Variants in ZSCAN5A observed in about 807,000 individuals in gnomAD.
ZSCAN5A encodes the protein zinc finger and SCAN domain containing 5A.
Under a neutral mutation model 23.7 loss-of-function variants are expected in ZSCAN5A, and 12 were observed. The observed-to-expected ratio is 0.51, with a 90% CI of 0.32 to 0.82. The LOEUF (loss-of-function observed/expected upper bound fraction) is 0.82. Ranked by LOEUF, ZSCAN5A falls within the 40% of genes least tolerant of loss-of-function variation. ZSCAN5A has a pLI of 0.03. For synonymous variants in ZSCAN5A, 257 were observed against 239.9 expected (o/e 1.07, Z -0.66); for missense variants, 597 against 617.9 (o/e 0.97, Z 0.36).
intron 2 of ZSCAN5A, chr19:56,343,143 G>A: frequency 1.4e-6 from 1 of 729,070 alleles, no homozygotes; most frequent in Non-Finnish European, 2.5e-6. Flanking sequence ...TGCCTAAAAT[G>A]GTCCTTTATT....
intron 1 of ZSCAN5A, chr19:56,314,212 T>C (rs1401960786): frequency 1.3e-5 from 2 of 152,282 alleles, no homozygotes; most frequent in Non-Finnish European, 2.9e-5. Context: ...CTAGCACTTA[T>C]TCGGCTCTCA....
intron 2 of ZSCAN5A, among the ~76,000 whole-genome samples, chr19:56,335,952 C>T (rs1011830174): frequency 6.7e-6 from 1 of 148,844 alleles, no homozygotes; most frequent in African/African-American, 2.5e-5. Flanking sequence ...GCCGAGAGAT[C>T]GCTGTTAGTC....
At chr19:56,315,263 A>C (rs1476208235), upstream of ZSCAN5A, 1 of 152,186 alleles carries the variant, frequency 6.6e-6, no homozygotes, top group Non-Finnish European at 1.5e-5. Context: ...GACGGGATAG[A>C]GTTGCACACG....
intron 2 of ZSCAN5A, among the ~76,000 whole-genome samples, chr19:56,262,354 G>A (rs571811660): frequency 1.3e-5 from 2 of 150,808 alleles, no homozygotes; most frequent in East Asian, 4.0e-4. Flanking sequence ...AATTAATTTT[G>A]ACTATTTTAG....
In ZSCAN5A at chr19:56,258,996, G is replaced by T. The variant is rs181980956; in HGVS notation, c.-127-33823C>A. On this transcript the variant is annotated intron_variant, in intron 2 of 5. Transcript: ENST00000683990. ...CATGAGAAGAGAGAGCTGGTGGGTG[G>T]GCCCCAGCTGTTTCAGTCACCTGGA... Among the ~76,000 whole-genome samples, 198 of 152,118 alleles carry T rather than the reference G, an allele frequency of 1.3e-3. 1 individual carries two copies. Among genetic ancestry groups the T allele is most frequent in the Middle Eastern group, 0.01 (3 of 294 alleles).
At chr19:56,359,084 C>T (rs2041715966) in intron 2 of ZSCAN5A, among the ~76,000 whole-genome samples, 1 of 151,490 alleles carries the variant, frequency 6.6e-6, no homozygotes, top group South Asian at 2.1e-4. Flanking sequence ...CAGAGCACAA[C>T]TGAAGAAGAA....
intron 5 of ZSCAN5A, 111 bp downstream of exon 5, chr19:56,222,480 G>A (rs2033364083): frequency 1.3e-6 from 2 of 1,551,104 alleles, no homozygotes; most frequent in Non-Finnish European, 1.7e-6. Context: ...AGGATGGGGA[G>A]GCTTTGACAG....
rs1305054076 is a variant in ZSCAN5A, at chr19:56,351,876, G to C, written c.-358+11359C>G. On this transcript the variant is annotated intron_variant, in intron 2 of 6. Transcript: ENST00000587340. The surrounding 1 kb of genome is among the most constrained non-coding windows in gnomAD (Gnocchi z 4.8). ...TTTAGATGGCTGGTGGATCTATCTG[G>C]ATTGAAGGGATTCCTTTTCCCAGCA... 1.3e-5 allele frequency among the ~76,000 whole-genome samples: 2 copies of C among 152,152 alleles called. No homozygotes were observed. Among genetic ancestry groups the C allele is most frequent in the Middle Eastern group, 3.2e-3 (1 of 316 alleles).
chr19:56,278,461 T>G (rs547575990), intron 2 of ZSCAN5A, among the ~76,000 whole-genome samples: 65 of 152,244 alleles, frequency 4.3e-4, no homozygotes, highest in African/African-American at 1.5e-3. Flanking sequence ...TTGAAGCAAA[T>G]GAAAATCTAA....
chr19:56,319,517 AAAG>A (rs1366590464), upstream of ZSCAN5A, among the ~76,000 whole-genome samples: 4 of 151,654 alleles, frequency 2.6e-5, no homozygotes, highest in Non-Finnish European at 5.9e-5. Flanking sequence ...AAAAAAAAAA[AAAG>A]AATTTACACA....
chr19:56,221,334 T>A lies in ZSCAN5A; in HGVS notation c.*241A>T, dbSNP rs1156599428. 2.0e-5 allele frequency: 9 copies of A among 447,042 alleles called. No individual in the cohort carries two copies. The East Asian group carries it at 3.1e-4, about 15-fold the overall frequency. The allele number at this position is 447,042 out of a possible 1,614,324, so 27.7% of individuals were successfully genotyped here. A position where few individuals can be genotyped will look rare whatever the true frequency, so the allele number is the denominator to read the frequency against. On this transcript the variant is annotated 3_prime_UTR_variant, in exon 6 of 6. Transcript: ENST00000683990. ...ATTGAAAACTAATAAGATGATCGTT[T>A]ATTGGAAGAACAGCAACACAAACCA...
At chr19:56,304,654 C>T (rs2040567233) in intron 2 of ZSCAN5A, 1 of 306,108 alleles carries the variant, frequency 3.3e-6, no homozygotes, top group African/African-American at 2.3e-5. Flanking sequence ...GAAGATGTTA[C>T]AACCAGAGGG....
intron 2 of ZSCAN5A, among the ~76,000 whole-genome samples, chr19:56,341,702 C>CAAAAAAAAAAAA (rs1175628460): frequency 3.3e-4 from 18 of 53,780 alleles, no homozygotes; most frequent in South Asian, 8.6e-4. Context: ...TACCAAAAGG[C>CAAAAAAAAAAAA]AAAAAAAAAA....
intron 2 of ZSCAN5A, among the ~76,000 whole-genome samples, chr19:56,239,286 C>A (rs2035224432): frequency 6.6e-6 from 1 of 152,236 alleles, no homozygotes. Flanking sequence ...GAATGAGCCA[C>A]AATTTGAATG....
intron 2 of ZSCAN5A, among the ~76,000 whole-genome samples, chr19:56,248,171 G>C (rs2036085303): frequency 6.6e-6 from 1 of 151,664 alleles, no homozygotes; most frequent in African/African-American, 2.4e-5. Context: ...TTTTTTTTTA[G>C]TATCAGCTTG....
chr19:56,317,626 T>C (rs531215418), upstream of ZSCAN5A: 37 of 152,416 alleles, frequency 2.4e-4, no homozygotes, highest in African/African-American at 8.9e-4. Context: ...GATCCTGCTT[T>C]CTGGCCTTAT....
chr19:56,227,944 G>C (rs1008748473), intron 2 of ZSCAN5A, among the ~76,000 whole-genome samples: 34 of 152,016 alleles, frequency 2.2e-4, no homozygotes, highest in African/African-American at 6.0e-4. Flanking sequence ...TGTAGTCCCA[G>C]CTACTCGGGA....
At chr19:56,339,248 CAATATGCAAAGGAGCAGCTGTAGCCAT>C in intron 2 of ZSCAN5A, among the ~76,000 whole-genome samples, 1 of 152,280 alleles carries the variant, frequency 6.6e-6, no homozygotes, top group East Asian at 1.9e-4. Flanking sequence ...CCGTATTTAG[CAATATGCAAAGGAGCAGCTGTAGCCAT>C]ATTTAGCAAT....
Position 56,358,096 on chromosome 19 carries a change from G to T in ZSCAN5A, c.-358+5139C>A, listed in dbSNP as rs1031867073. ...AAATATATATTCACCCAATACAGGA[G>T]CACCCAGATTCATAAAACAAGTTAT... On this transcript the variant is annotated intron_variant, in intron 2 of 6. Transcript: ENST00000587340. Among the ~76,000 whole-genome samples the T allele has an allele frequency of 7.4e-5, 11 of 148,750 alleles. 1 individual carries two copies. The highest frequency in any genetic ancestry group is 2.0e-4 in the Admixed American group (3 of 15,070).
Sources: gnomAD v4.1 joint callset for allele counts (sites outside exome capture counted in the v4.1 genomes callset) on GRCh38, gnomAD v4.1.1 for gene constraint, Gnocchi (gnomAD v3.1) non-coding constraint, MANE v1.5 for transcripts, NCBI Gene and HGNC (gene_info 2026-07-23, HGNC 2026-07-21) for gene names.